STPG2: variants seen among roughly 807,000 people sequenced by gnomAD.
STPG2 encodes sperm tail PG-rich repeat containing 2, also known as sperm-tail PG-rich repeat-containing protein 2.
A neutral mutation model predicts 54.2 loss-of-function variants in STPG2; 56 were observed. The ratio of observed to expected loss-of-function variants is 1.03; its 90% CI spans 0.83 to 1.29. The LOEUF (loss-of-function observed/expected upper bound fraction) is 1.29. Ranked by LOEUF, STPG2 falls within the 50% of genes most tolerant of loss-of-function variation. The pLI is 0.00. For missense variants in STPG2, 596 were observed against 544.9 expected (o/e 1.09, Z -0.93); for synonymous variants, 200 against 181.8 (o/e 1.10, Z -0.81).
chr4:97,730,562 C>T (rs182331093), intron 9 of STPG2, among the ~76,000 whole-genome samples: 71 of 152,210 alleles, frequency 4.7e-4, no homozygotes, highest in Admixed American at 2.9e-3. Context: ...ACTCTTAGTT[C>T]CTTGAGGAAT....
intron 4 of STPG2, among the ~76,000 whole-genome samples, chr4:97,508,026 G>A (rs1349284159): frequency 3.9e-5 from 6 of 151,966 alleles, no homozygotes. Context: ...TAACCATGTG[G>A]TTAGTCTGTG....
chr4:97,723,107 C>T (rs1367885145), intron 9 of STPG2, among the ~76,000 whole-genome samples: 2 of 151,930 alleles, frequency 1.3e-5, no homozygotes, highest in South Asian at 2.1e-4. Context: ...CCACCGCGCC[C>T]GGCCGAGTCC....
intron 5 of STPG2, among the ~76,000 whole-genome samples, chr4:98,063,125 G>A (rs62321570): frequency 0.39 from 59,957 of 151,858 alleles, 12,052 homozygotes; most frequent in Middle Eastern, 0.46. Context: ...CTTTGAAAAT[G>A]AAAAAGTCTT....
Position 97,629,939 on chromosome 4 carries a change from A to G in STPG2, c.1321-70822T>C, listed in dbSNP as rs542756886. 2.6e-5 allele frequency among the ~76,000 whole-genome samples: 4 copies of G among 152,120 alleles called. No individual in the cohort carries two copies. In the East Asian group the frequency reaches 7.7e-4, roughly 29 times the overall value. On this transcript the variant is annotated intron_variant, in intron 10 of 10. Coordinates refer to ENST00000295268, the MANE Select transcript of STPG2 (RefSeq NM_174952.3). Reference sequence around the variant, plus strand: ...GTGAAACTGATATGCCCATTATTCCATAGACAATATCAAACTGTTAATCAG... The same window carrying G: ...GTGAAACTGATATGCCCATTATTCCGTAGACAATATCAAACTGTTAATCAG...
rs745772976 is a variant in STPG2 at position 98,109,259 on chromosome 4, T to C, written c.434A>G (p.Asn145Ser). ...TLKYKGIHFG[N>S]SSGRQELPKK... The stretch of plus-strand genomic sequence containing the variant: ...AGGTAACTCTTGTCTTCCTGAAGAG[T>C]TGCCAAAATGTATACCTTTGTATTT... Residue 145 changes from asparagine to serine, a missense_variant, in exon 4 of 11, where the codon AAC becomes AGC. Coordinates refer to ENST00000295268, the MANE Select transcript of STPG2 (RefSeq NM_174952.3). The C allele has an allele frequency of 1.4e-5, 23 of 1,610,948 alleles. No homozygotes were observed. The highest frequency in any genetic ancestry group is 2.0e-5 in the Non-Finnish European group (23 of 1,178,466).
intron 9 of STPG2, among the ~76,000 whole-genome samples, chr4:97,748,569 A>G (rs2149043752): frequency 6.6e-6 from 1 of 151,706 alleles, no homozygotes; most frequent in East Asian, 1.9e-4. Flanking sequence ...TCAGGGACCA[A>G]CAAGCTTTTG....
intron 7 of STPG2, among the ~76,000 whole-genome samples, chr4:97,971,424 T>C (rs544937068): frequency 6.6e-6 from 1 of 152,346 alleles, no homozygotes; most frequent in Non-Finnish European, 1.5e-5. Context: ...AATGATAGAC[T>C]AGTTTAAGAA....
At chr4:97,457,283 C>G (rs777812032) in intron 4 of STPG2, among the ~76,000 whole-genome samples, 8 of 152,208 alleles carry the variant, frequency 5.3e-5, no homozygotes, top group African/African-American at 1.9e-4. Context: ...ACACTTATGT[C>G]TATTCAAAAA....
chr4:97,728,987 GAGAA>G (rs1724708291), intron 9 of STPG2, among the ~76,000 whole-genome samples: 1 of 151,682 alleles, frequency 6.6e-6, no homozygotes, highest in Admixed American at 6.6e-5. Flanking sequence ...AGCAGAGTGG[GAGAA>G]AGAAAGAGAC....
intron 4 of STPG2, among the ~76,000 whole-genome samples, chr4:97,488,085 T>C (rs1180143173): frequency 6.6e-6 from 1 of 151,606 alleles, no homozygotes; most frequent in Non-Finnish European, 1.5e-5. Context: ...TGTTACATGT[T>C]CTTCACACTT....
chr4:97,731,529 G>C (rs566866889), intron 9 of STPG2, among the ~76,000 whole-genome samples: 1 of 152,180 alleles, frequency 6.6e-6, no homozygotes, highest in African/African-American at 2.4e-5. Flanking sequence ...GGAAGCTCAT[G>C]CTTCCCCAAC....
chr4:97,694,459 A>AT (rs1468825608), intron 10 of STPG2, among the ~76,000 whole-genome samples: 1 of 151,776 alleles, frequency 6.6e-6, no homozygotes, highest in African/African-American at 2.4e-5. Context: ...AACAGAAAAA[A>AT]AAATAGAAAT....
At chr4:98,019,413 A>G (rs923995223) in intron 5 of STPG2, among the ~76,000 whole-genome samples, 1 of 151,854 alleles carries the variant, frequency 6.6e-6, no homozygotes, top group Non-Finnish European at 1.5e-5. Context: ...TGTTTTGGTT[A>G]CTGTAACCTT....
chr4:97,678,089 T>TA (rs529968570), intron 10 of STPG2, among the ~76,000 whole-genome samples: 130 of 146,636 alleles, frequency 8.9e-4, no homozygotes, highest in African/African-American at 1.5e-3. Flanking sequence ...AACATATCAG[T>TA]AAAAAAAAAA....
intron 9 of STPG2, among the ~76,000 whole-genome samples, chr4:97,812,949 G>A (rs1019329189): frequency 7.2e-5 from 11 of 152,016 alleles, no homozygotes; most frequent in African/African-American, 2.4e-4. Flanking sequence ...ACCAGTTGTC[G>A]CTATCTTAAA....
At chr4:97,901,142 T>C (rs1277888099) in intron 8 of STPG2, among the ~76,000 whole-genome samples, 2 of 152,028 alleles carry the variant, frequency 1.3e-5, no homozygotes, top group Non-Finnish European at 1.5e-5. Context: ...TTTAGGATGA[T>C]TGACATATTT....
rs187923457 is a variant in STPG2 at position 97,782,364 on chromosome 4, C to A, written c.1204+58409G>T. Among the ~76,000 whole-genome samples the A allele has an allele frequency of 3.3e-3, 495 of 152,254 alleles. 2 individuals are homozygous for A. Among genetic ancestry groups the A allele is most frequent in the African/African-American group, 0.011 (471 of 41,540 alleles). On this transcript the variant is annotated intron_variant, in intron 9 of 10. Coordinates refer to ENST00000295268, the MANE Select transcript of STPG2 (RefSeq NM_174952.3). ...GAGAATAAAACACCTAGGAATCCAACTTACAAGGGATGTGAAGAACCTCTT... is the reference window on the plus strand; with the variant it reads ...GAGAATAAAACACCTAGGAATCCAAATTACAAGGGATGTGAAGAACCTCTT...
chr4:98,130,934 A>C lies in STPG2; in HGVS notation c.223-2342T>G, dbSNP rs1489169027. On this transcript the variant is annotated intron_variant, in intron 2 of 10. Coordinates refer to ENST00000295268, the MANE Select transcript of STPG2 (RefSeq NM_174952.3). ...GAGACTCCGTCTCAAAAAAAAAAAA[A>C]AAAAACAAAAAAAAAACGACTTTCC... 1.9e-4 allele frequency among the ~76,000 whole-genome samples: 27 copies of C among 142,118 alleles called. 1 individual carries two copies. In the East Asian group the frequency reaches 5.1e-3, roughly 27 times the overall value. 93.2% of individuals were successfully genotyped at this position (142,118 alleles called of 152,430 possible).
At chr4:97,854,366 G>A (rs751238513) in intron 8 of STPG2, among the ~76,000 whole-genome samples, 7 of 151,390 alleles carry the variant, frequency 4.6e-5, no homozygotes, top group Non-Finnish European at 7.4e-5. Context: ...CTACCTTCTT[G>A]GGTTGTAAAG....
Sources: gnomAD v4.1 joint callset for allele counts (sites outside exome capture counted in the v4.1 genomes callset) on GRCh38, gnomAD v4.1.1 for gene constraint, MANE v1.5 for transcripts, NCBI Gene and HGNC (gene_info 2026-07-23, HGNC 2026-07-21) for gene names.